GALNTL6: variants seen among roughly 807,000 people sequenced by gnomAD.
The protein encoded by GALNTL6 is polypeptide N-acetylgalactosaminyltransferase like 6.
In GALNTL6, 46 loss-of-function variants were observed where a neutral mutation model predicts 73.7. That is an observed-to-expected ratio of 0.62 (90% CI 0.49 to 0.80). The LOEUF (loss-of-function observed/expected upper bound fraction) is 0.80, where lower values mean the gene tolerates loss of function less well. Among genes scored for constraint, GALNTL6 ranks in the 30% least tolerant of loss-of-function variants. The pLI, the probability that GALNTL6 is intolerant of heterozygous loss-of-function variation, is 0.00. For synonymous variants in GALNTL6, 259 were observed against 263.7 expected, an observed-to-expected ratio of 0.98 and a Z score of 0.17; for missense variants, 604 against 755.0, an observed-to-expected ratio of 0.80 and a Z score of 2.34.
At chr4:172,784,161 C>T (rs964310257) in intron 5 of GALNTL6, among the ~76,000 whole-genome samples, 4 of 151,910 alleles carry the variant, frequency 2.6e-5, no homozygotes, top group African/African-American at 9.7e-5. Context: ...TTCCATAATT[C>T]CTATAGTTGT....
At chr4:171,982,281 A>G (rs745483534) in intron 2 of GALNTL6, among the ~76,000 whole-genome samples, 1 of 134,324 alleles carries the variant, frequency 7.4e-6, no homozygotes, top group Non-Finnish European at 1.7e-5. Context: ...CTAATAGACG[A>G]AAGTATTTTG....
chr4:171,906,506 C>T (rs2110953310), intron 2 of GALNTL6, among the ~76,000 whole-genome samples: 1 of 152,066 alleles, frequency 6.6e-6, no homozygotes, highest in South Asian at 2.1e-4. Flanking sequence ...TAATCAATAG[C>T]TTACCAACCA....
At chr4:172,072,005 G>T (rs936455286) in intron 2 of GALNTL6, among the ~76,000 whole-genome samples, 1 of 152,152 alleles carries the variant, frequency 6.6e-6, no homozygotes, top group Non-Finnish European at 1.5e-5. Flanking sequence ...GGTTACTAGA[G>T]ATAGCACTCT....
At chr4:172,955,957 C>A (rs1012294383) in intron 10 of GALNTL6, among the ~76,000 whole-genome samples, 1 of 152,090 alleles carries the variant, frequency 6.6e-6, no homozygotes, top group Non-Finnish European at 1.5e-5. Flanking sequence ...ATTTTCACTT[C>A]TTTTGTGGTG....
chr4:172,817,366 G>C (rs1310005722), intron 7 of GALNTL6, among the ~76,000 whole-genome samples: 1 of 151,974 alleles, frequency 6.6e-6, no homozygotes, highest in East Asian at 1.9e-4. Flanking sequence ...AAGAAGTTGA[G>C]GTTTCAGTGA....
intron 11 of GALNTL6, among the ~76,000 whole-genome samples, chr4:173,010,663 C>T (rs925881596): frequency 1.8e-4 from 28 of 151,892 alleles, no homozygotes; most frequent in Admixed American, 1.4e-3. Context: ...GGCGCAATCT[C>T]GGCTCACTAC....
rs183518391 is a variant in GALNTL6 at position 172,443,847 on chromosome 4, G to T, written c.553+95158G>T. ...GGACACTTATTCCCTCCAAGGAAAG[G>T]TGTGGCCCGGATGTTGGGAAACTAG... is the stretch of plus-strand genomic sequence containing the variant. On this transcript the variant is annotated intron_variant, in intron 5 of 12. Coordinates refer to ENST00000506823, the MANE Select transcript of GALNTL6 (RefSeq NM_001034845.3). Among the ~76,000 whole-genome samples the T allele has an allele frequency of 9.5e-4, 145 of 152,292 alleles. 1 individual carries two copies. The highest frequency in any genetic ancestry group is 1.8e-3 in the Non-Finnish European group (122 of 68,020).
intron 10 of GALNTL6, among the ~76,000 whole-genome samples, chr4:172,985,873 T>G (rs913264346): frequency 2.0e-5 from 3 of 152,238 alleles, no homozygotes; most frequent in African/African-American, 7.2e-5. Context: ...ATTGGGAGTT[T>G]GAATTCTTGT....
At chr4:172,968,893 A>C (rs1750448734) in intron 10 of GALNTL6, among the ~76,000 whole-genome samples, 1 of 152,236 alleles carries the variant, frequency 6.6e-6, no homozygotes, top group Non-Finnish European at 1.5e-5. Context: ...CATATATGGA[A>C]AATAAAAGCA....
chr4:172,444,348 A>G (rs979215), intron 5 of GALNTL6, among the ~76,000 whole-genome samples: 63,987 of 152,076 alleles, frequency 0.42, 16,256 homozygotes, highest in South Asian at 0.67. Flanking sequence ...TTATTGTGCT[A>G]CTTCGTGATT....
chr4:173,037,328 C>A (rs983787638), intron 12 of GALNTL6, among the ~76,000 whole-genome samples: 1 of 152,112 alleles, frequency 6.6e-6, no homozygotes, highest in Admixed American at 6.5e-5. Context: ...TTTATCTAAT[C>A]CCCCCCACCT....
Position 171,938,223 on chromosome 4 carries a change from C to T in GALNTL6, c.138+123505C>T, listed in dbSNP as rs559299745. Among the ~76,000 whole-genome samples, 3 of 152,186 alleles carry T rather than the reference C, an allele frequency of 2.0e-5. No individual in the cohort carries two copies. The East Asian group carries it at 5.8e-4, about 29-fold the overall frequency. ...GCCTGCTTAGTCATTCCCCAGTCTC[C>T]AGCCCAAGGGAATGTTAAGTGTGAA... On this transcript the variant is annotated intron_variant, in intron 2 of 12. Transcript: ENST00000506823.
At chr4:171,959,928 A>G (rs982960126) in intron 2 of GALNTL6, among the ~76,000 whole-genome samples, 31 of 152,238 alleles carry the variant, frequency 2.0e-4, no homozygotes, top group African/African-American at 7.2e-4. Context: ...TCAGAGCTTA[A>G]AAAGAATAGA....
chr4:171,816,979 A>C lies in GALNTL6; in HGVS notation c.138+2261A>C, dbSNP rs75074356. Among the ~76,000 whole-genome samples, 1,078 of 152,204 alleles carry C rather than the reference A, an allele frequency of 7.1e-3. 9 individuals are homozygous for C. Among genetic ancestry groups the C allele is most frequent in the African/African-American group, 0.024 (1,004 of 41,570 alleles). On this transcript the variant is annotated intron_variant, in intron 2 of 12. Transcript: ENST00000506823. The stretch of plus-strand genomic sequence containing the variant: ...TGCAATGTTAGCAAGGTGGCTAAAC[A>C]CATAGGTTTTAAATTGAAACATAAT...
intron 2 of GALNTL6, among the ~76,000 whole-genome samples, chr4:171,923,831 A>C (rs1737882821): frequency 1.5e-5 from 1 of 67,588 alleles, no homozygotes; most frequent in Non-Finnish European, 2.8e-5. Context: ...TGTGTGTTTG[A>C]AGTTCTTCTT....
intron 5 of GALNTL6, among the ~76,000 whole-genome samples, chr4:172,592,718 A>ATC (rs1268111567): frequency 6.6e-6 from 1 of 151,982 alleles, no homozygotes; most frequent in East Asian, 1.9e-4. Context: ...CTATCTATCG[A>ATC]GAGAGACTAT....
intron 10 of GALNTL6, among the ~76,000 whole-genome samples, chr4:172,967,655 G>C (rs899072201): frequency 1.3e-5 from 2 of 152,104 alleles, no homozygotes; most frequent in Non-Finnish European, 2.9e-5. Flanking sequence ...GAGAGAGAGA[G>C]AGACCACATT....
chr4:172,897,830 G>T (rs528090743), intron 8 of GALNTL6, among the ~76,000 whole-genome samples: 104 of 152,240 alleles, frequency 6.8e-4, no homozygotes, highest in African/African-American at 2.5e-3. Flanking sequence ...TTGCCATTTT[G>T]GTGATGTTGC....
intron 5 of GALNTL6, among the ~76,000 whole-genome samples, chr4:172,382,127 C>T (rs957790156): frequency 6.6e-6 from 1 of 152,136 alleles, no homozygotes; most frequent in African/African-American, 2.4e-5. Flanking sequence ...ATCACCATGC[C>T]TGGCTAATTT....
Sources: allele counts gnomAD v4.1 joint callset (sites outside exome capture counted in the v4.1 genomes callset), GRCh38; gene constraint gnomAD v4.1.1; transcripts MANE v1.5; gene names NCBI Gene and HGNC (gene_info 2026-07-23, HGNC 2026-07-21).